The following MIB1 variants were observed in gnomAD, a reference collection of about 807,000 sequenced individuals.
MIB1 encodes E3 ubiquitin-protein ligase MIB1.
A neutral mutation model predicts 124.5 loss-of-function variants in MIB1; 278 were observed. The ratio of observed to expected loss-of-function variants is 2.23; its 90% CI spans 2.02 to 2.47. MIB1 has a LOEUF of 2.47. Ranked by LOEUF, MIB1 falls within the 30% of genes most tolerant of loss-of-function variation. The pLI is 0.00. For synonymous variants in MIB1, 446 were observed against 429.4 expected (o/e 1.04, Z -0.48); for missense variants, 957 against 1,254.4 (o/e 0.76, Z 3.58).
chr18:21,810,813 A>G (rs909603046), intron 10 of MIB1, among the ~76,000 whole-genome samples: 2 of 152,070 alleles, frequency 1.3e-5, no homozygotes, highest in African/African-American at 4.8e-5. Context: ...ACCTCACAGC[A>G]TTGTATCTGG....
At chr18:21,783,310 T>C (rs936336981) in intron 6 of MIB1, among the ~76,000 whole-genome samples, 2 of 151,830 alleles carry the variant, frequency 1.3e-5, no homozygotes, top group Non-Finnish European at 1.5e-5. Flanking sequence ...TGGGACGATA[T>C]TGGCTCACTG....
intron 7 of MIB1, 52 bp downstream of exon 7, chr18:21,791,609 A>G (rs780512425): frequency 1.1e-5 from 16 of 1,400,774 alleles, no homozygotes; most frequent in African/African-American, 2.9e-5. Context: ...TACTTATGTC[A>G]TTTTTAAAAG....
chr18:21,847,395 C>T (rs1276707150), intron 16 of MIB1, among the ~76,000 whole-genome samples: 1 of 152,166 alleles, frequency 6.6e-6, no homozygotes, highest in Non-Finnish European at 1.5e-5. Flanking sequence ...GTCTGATCTT[C>T]TAGTACTCCC....
chr18:21,838,301 C>A, intron 12 of MIB1, 64 bp from the exon 13 acceptor site: 1 of 1,202,406 alleles, frequency 8.3e-7, no homozygotes, highest in Non-Finnish European at 1.1e-6. Flanking sequence ...CATTTGATTG[C>A]AAACTTTTCT....
intron 18 of MIB1, chr18:21,854,934 GT>G: frequency 6.0e-6 from 1 of 167,458 alleles, no homozygotes; most frequent in Non-Finnish European, 1.3e-5. Context: ...GCCTAGTTTT[GT>G]TAGATGCTGT....
At position 21,776,131 on chromosome 18, in the gene MIB1, G is replaced by C. The variant is rs990141301; in HGVS notation, c.637-1972G>C. On this transcript the variant is annotated intron_variant, in intron 4 of 20. Coordinates refer to ENST00000261537, the MANE Select transcript of MIB1 (RefSeq NM_020774.4). ...ACAATAAAAAATGTTAGCTGGGTAT[G>C]GTGGTTTGCACCTGTAGTCGCAGTT... Among the ~76,000 whole-genome samples, 3 of 152,038 alleles carry C rather than the reference G, an allele frequency of 2.0e-5. No homozygotes were observed. In the East Asian group the frequency reaches 5.8e-4, roughly 29 times the overall value.
chr18:21,771,833 TAAAAAA>T (rs1197315747), intron 3 of MIB1, among the ~76,000 whole-genome samples: 1 of 142,590 alleles, frequency 7.0e-6, no homozygotes, highest in African/African-American at 2.6e-5. Context: ...CATCTCTACT[TAAAAAA>T]AAAAACGAAA....
Position 21,819,593 on chromosome 18 carries a change from A to G in MIB1, c.1776A>G (p.Thr592=). 6.2e-7 allele frequency: 1 copy of G among 1,612,242 alleles called. No individual in the cohort carries two copies. The part of the protein sequence containing the change: ...LLEAGADVTI[T]NNNGFNALHH... ...AAGCTGGAGCAGATGTTACCATCAC[A>G]AACAATAATGGATTTAATGCTCTGC... is the stretch of plus-strand genomic sequence containing the variant. The change falls in exon 12 of 21, where the codon ACA becomes ACG. Residue 592 remains threonine, a synonymous_variant. Coordinates refer to ENST00000261537, the MANE Select transcript of MIB1 (RefSeq NM_020774.4).
intron 1 of MIB1, among the ~76,000 whole-genome samples, chr18:21,725,906 T>C (rs1300125620): frequency 2.6e-5 from 4 of 152,246 alleles, no homozygotes; most frequent in African/African-American, 9.6e-5. Context: ...TGCAAAGATG[T>C]AACTTTCTGA....
chr18:21,833,371 A>ATGTGTTC (rs1210489138), intron 12 of MIB1, among the ~76,000 whole-genome samples: 6 of 152,168 alleles, frequency 3.9e-5, no homozygotes, highest in Non-Finnish European at 8.8e-5. Context: ...TTTGATCAAA[A>ATGTGTTC]TGTGTTCAGT....
At chr18:21,780,129 G>A (rs930075084) in intron 6 of MIB1, among the ~76,000 whole-genome samples, 29 of 152,030 alleles carry the variant, frequency 1.9e-4, no homozygotes, top group African/African-American at 7.0e-4. Flanking sequence ...ATACACAAGA[G>A]GTGTACATAT....
At chr18:21,707,564 C>T (rs775946567) in intron 1 of MIB1, among the ~76,000 whole-genome samples, 7 of 152,196 alleles carry the variant, frequency 4.6e-5, no homozygotes, top group African/African-American at 4.8e-5. Context: ...CGAAGGTTTG[C>T]AGCTTCCCTC....
chr18:21,774,921 TTTTATTTATTTA>T lies in MIB1; in HGVS notation c.636+1221_636+1232del, dbSNP rs200926882. On this transcript the variant is annotated intron_variant, in intron 4 of 20. Transcript: ENST00000261537. ...CCAGTGTCCCCTTAATTTATTTCCA[TTTTATTTATTTA>T]TTTATTTATTTATTTATTTATTTAT... Among the ~76,000 whole-genome samples the T allele has an allele frequency of 1.5e-4, 21 of 138,302 alleles. 1 individual carries two copies. In the South Asian group the frequency reaches 2.8e-3, roughly 19 times the overall value. 90.7% of individuals were successfully genotyped at this position (138,302 alleles called of 152,430 possible). A position where few individuals can be genotyped will look rare whatever the true frequency, so the allele number is the denominator to read the frequency against.
chr18:21,863,664 T>C (rs2042295982), intron 20 of MIB1, among the ~76,000 whole-genome samples: 1 of 151,918 alleles, frequency 6.6e-6, no homozygotes, highest in Non-Finnish European at 1.5e-5. Flanking sequence ...GGGCTGTGGG[T>C]AGTTTTGGAA....
At position 21,849,382 on chromosome 18, in the gene MIB1, G is replaced by A. The variant is rs762343314; in HGVS notation, c.2580G>A (p.Arg860=). Residue 860 remains arginine, a synonymous_variant, in exon 17 of 21, where the codon AGG becomes AGA. Transcript: ENST00000261537. ...TCTGTAAAGAACAGGTTCAATCCAG[G>A]ACAAAGGTAAGATATATTTAATATA... ...CLICKEQVQS[R]TKIEECVVCS... 8 of 1,589,870 alleles carry A rather than the reference G, an allele frequency of 5.0e-6. No homozygotes were observed. The highest frequency in any genetic ancestry group is 6.9e-6 in the Non-Finnish European group (8 of 1,166,602).
At chr18:21,739,808 A>G (rs1418401120), upstream of MIB1, among the ~76,000 whole-genome samples, 1 of 151,984 alleles carries the variant, frequency 6.6e-6, no homozygotes, top group Non-Finnish European at 1.5e-5. Context: ...CCAGCTACTC[A>G]GAAGGCTGAG....
chr18:21,826,235 C>T (rs2041923674), intron 12 of MIB1: 1 of 158,112 alleles, frequency 6.3e-6, no homozygotes, highest in Non-Finnish European at 1.4e-5. Context: ...TTAGTCACCC[C>T]CTTCTACTGC....
chr18:21,744,830 C>T (rs1319765403), intron 1 of MIB1, among the ~76,000 whole-genome samples: 1 of 152,174 alleles, frequency 6.6e-6, no homozygotes, highest in Non-Finnish European at 1.5e-5. Context: ...GGAATTTTAC[C>T]AACTGTTGCT....
intron 20 of MIB1, among the ~76,000 whole-genome samples, chr18:21,861,358 A>G (rs909115872): frequency 5.3e-5 from 8 of 152,034 alleles, no homozygotes; most frequent in Non-Finnish European, 8.8e-5. Context: ...CCCATAAGAC[A>G]TCTACAGAAT....
Sources: gnomAD v4.1 joint callset for allele counts (sites outside exome capture counted in the v4.1 genomes callset) on GRCh38, gnomAD v4.1.1 for gene constraint, MANE v1.5 for transcripts, NCBI Gene and HGNC (gene_info 2026-07-23, HGNC 2026-07-21) for gene names.